The following DGKB variants were observed in gnomAD, a reference collection of about 807,000 sequenced individuals.
DGKB encodes the protein 90 kDa diacylglycerol kinase.
Under a neutral mutation model 114.3 loss-of-function variants are expected in DGKB, and 67 were observed. The observed-to-expected ratio is 0.59, with a 90% CI of 0.48 to 0.72. The LOEUF (loss-of-function observed/expected upper bound fraction) is 0.72, where lower values mean the gene tolerates loss of function less well. Among genes scored for constraint, DGKB ranks in the 30% least tolerant of loss-of-function variants. The pLI is 0.00. For missense variants in DGKB, 907 were observed against 975.2 expected (o/e 0.93, Z 0.93); for synonymous variants, 398 against 323.1 (o/e 1.23, Z -2.49).
intron 20 of DGKB, among the ~76,000 whole-genome samples, chr7:14,567,334 ATT>A (rs1354840955): frequency 2.9e-4 from 9 of 31,438 alleles, no homozygotes; most frequent in African/African-American, 1.2e-3. Context: ...TATATTATAT[ATT>A]TATATATTAT....
intron 2 of DGKB, among the ~76,000 whole-genome samples, chr7:14,839,009 G>A (rs1237275636): frequency 2.0e-5 from 3 of 152,014 alleles, no homozygotes; most frequent in Admixed American, 6.6e-5. Context: ...CCTCTTGTAC[G>A]AAGACTTCCC....
intron 13 of DGKB, among the ~76,000 whole-genome samples, chr7:14,655,165 G>A (rs1012216933): frequency 6.6e-6 from 1 of 151,668 alleles, no homozygotes; most frequent in African/African-American, 2.4e-5. Flanking sequence ...GAATATACAA[G>A]GAACTCAAAC....
chr7:14,384,771 T>A (rs1253985342), intron 21 of DGKB, among the ~76,000 whole-genome samples: 1 of 152,218 alleles, frequency 6.6e-6, no homozygotes, highest in Non-Finnish European at 1.5e-5. Flanking sequence ...GAGACCTTTT[T>A]AGTTGTCACA....
intron 23 of DGKB, among the ~76,000 whole-genome samples, chr7:14,216,740 A>AAAAAAAAAAAAAAC: frequency 6.6e-6 from 1 of 150,946 alleles, no homozygotes; most frequent in Non-Finnish European, 1.5e-5. Flanking sequence ...AAAAAAAAAA[A>AAAAAAAAAAAAAAC]AAAAAAAAGA....
intron 1 of DGKB, among the ~76,000 whole-genome samples, chr7:14,961,348 T>C (rs1460294462): frequency 6.6e-6 from 1 of 152,166 alleles, no homozygotes; most frequent in African/African-American, 2.4e-5. Flanking sequence ...GCCAAGACTC[T>C]TTAGTAACCA....
chr7:14,408,620 T>G (rs1383461418), intron 21 of DGKB, among the ~76,000 whole-genome samples: 1 of 152,158 alleles, frequency 6.6e-6, no homozygotes, highest in East Asian at 1.9e-4. Context: ...ATCCTATTCT[T>G]CTAGCTCACT....
intron 25 of DGKB, among the ~76,000 whole-genome samples, chr7:14,154,227 C>G (rs1191695418): frequency 7.2e-6 from 1 of 138,766 alleles, no homozygotes; most frequent in Admixed American, 7.5e-5. Context: ...GTAAGGATCA[C>G]TTTGCAGAGA....
At chr7:14,689,207 T>TATTTTTTTTTA (rs71004326) in intron 9 of DGKB, among the ~76,000 whole-genome samples, 30 of 125,020 alleles carry the variant, frequency 2.4e-4, no homozygotes, top group East Asian at 5.1e-4. Flanking sequence ...TTATTTTTTT[T>TATTTTTTTTTA]TTTTTTTTTT....
intron 23 of DGKB, among the ~76,000 whole-genome samples, chr7:14,300,016 G>A (rs1224968609): frequency 6.6e-6 from 1 of 151,996 alleles, no homozygotes; most frequent in Non-Finnish European, 1.5e-5. Flanking sequence ...CACTATATTT[G>A]TATAGCAACT....
chr7:14,416,080 T>C (rs1482228883), intron 21 of DGKB, among the ~76,000 whole-genome samples: 2 of 152,234 alleles, frequency 1.3e-5, no homozygotes, highest in African/African-American at 4.8e-5. Context: ...TTTTGAGAAG[T>C]GTCTGTTCAT....
chr7:14,740,146 C>T (rs1001101647), intron 4 of DGKB, among the ~76,000 whole-genome samples: 2 of 152,228 alleles, frequency 1.3e-5, no homozygotes, highest in African/African-American at 4.8e-5. Flanking sequence ...GCCAAGGAGT[C>T]CAGCTCAGTG....
intron 23 of DGKB, among the ~76,000 whole-genome samples, chr7:14,248,319 C>T (rs1426684711): frequency 6.6e-6 from 1 of 151,974 alleles, no homozygotes; most frequent in Non-Finnish European, 1.5e-5. Context: ...TACAAGATTG[C>T]TTTGGCTATT....
intron 20 of DGKB, among the ~76,000 whole-genome samples, chr7:14,526,269 A>G (rs943524729): frequency 6.6e-6 from 1 of 152,158 alleles, no homozygotes; most frequent in African/African-American, 2.4e-5. Context: ...GGGGCTATAC[A>G]GTATTGCACA....
intron 23 of DGKB, among the ~76,000 whole-genome samples, chr7:14,183,143 C>G (rs74883414): frequency 6.6e-6 from 1 of 152,108 alleles, no homozygotes; most frequent in South Asian, 2.1e-4. Context: ...GTATGCCTTC[C>G]AGTGATGTTT....
At chr7:14,777,154 C>G (rs1407497251) in intron 2 of DGKB, among the ~76,000 whole-genome samples, 2 of 152,048 alleles carry the variant, frequency 1.3e-5, no homozygotes, top group Non-Finnish European at 2.9e-5. Context: ...GTGTTTTTAC[C>G]CAATGCCTGT....
chr7:14,519,818 T>A (rs923391200), intron 20 of DGKB, among the ~76,000 whole-genome samples: 1 of 151,996 alleles, frequency 6.6e-6, no homozygotes, highest in Non-Finnish European at 1.5e-5. Flanking sequence ...GTTGATCACA[T>A]CTTCATTTTC....
intron 23 of DGKB, among the ~76,000 whole-genome samples, chr7:14,308,701 T>G (rs1050932261): frequency 2.0e-5 from 3 of 152,164 alleles, no homozygotes; most frequent in African/African-American, 4.8e-5. Context: ...GTGGGCTATA[T>G]TGAGGACCTG....
chr7:14,874,053 C>T (rs1229629225), intron 1 of DGKB, among the ~76,000 whole-genome samples: 1 of 151,986 alleles, frequency 6.6e-6, no homozygotes, highest in Non-Finnish European at 1.5e-5. Flanking sequence ...AAAATTCTAC[C>T]AGTACACCTA....
At chr7:14,150,608 A>G (rs1782047420) in intron 25 of DGKB, among the ~76,000 whole-genome samples, 1 of 152,114 alleles carries the variant, frequency 6.6e-6, no homozygotes, top group African/African-American at 2.4e-5. Flanking sequence ...AAAGGCCACT[A>G]AGGCTAACCC....
Sources: gnomAD v4.1 joint callset for allele counts (sites outside exome capture counted in the v4.1 genomes callset) on GRCh38, gnomAD v4.1.1 for gene constraint, MANE v1.5 for transcripts, NCBI Gene and HGNC (gene_info 2026-07-23, HGNC 2026-07-21) for gene names.